KCTD5: variants seen among roughly 807,000 people sequenced by gnomAD.
KCTD5 encodes BTB/POZ domain-containing protein KCTD5.
A neutral mutation model predicts 27.9 loss-of-function variants in KCTD5; 12 were observed. That is an observed-to-expected ratio of 0.43 (90% CI 0.28 to 0.70). The LOEUF (loss-of-function observed/expected upper bound fraction) is 0.70. KCTD5 is among the 30% of genes least tolerant of loss of function. The probability of loss-of-function intolerance (pLI) is 0.19; values close to 1 mark genes in which losing one functional copy is unlikely to be tolerated. For synonymous variants in KCTD5, 147 were observed against 121.4 expected (o/e 1.21, Z -1.39); for missense variants, 226 against 274.8 (o/e 0.82, Z 1.26).
Position 2,691,911 on chromosome 16 carries a change from C to T in KCTD5, c.253-4024C>T, listed in dbSNP as rs145979392. 2.3e-3 allele frequency among the ~76,000 whole-genome samples: 351 copies of T among 152,316 alleles called. 1 individual carries two copies. Among genetic ancestry groups the T allele is most frequent in the African/African-American group, 8.2e-3 (339 of 41,560 alleles). On this transcript the variant is annotated intron_variant, in intron 1 of 5. Transcript: ENST00000301738. The stretch of plus-strand genomic sequence containing the variant: ...TGCACCCAGGCTGCTGGCCCCTGAG[C>T]ACAGGGATGGGCTGGAGCCACAGGC...
chr16:2,696,863 A>C (rs536140820), intron 2 of KCTD5, among the ~76,000 whole-genome samples: 6 of 152,292 alleles, frequency 3.9e-5, no homozygotes, highest in African/African-American at 1.2e-4. Context: ...TCTCTTTGGC[A>C]GGGAATGTCT....
chr16:2,705,421 G>A (rs2067631271), intron 5 of KCTD5, among the ~76,000 whole-genome samples: 1 of 152,184 alleles, frequency 6.6e-6, no homozygotes, highest in Non-Finnish European at 1.5e-5. Context: ...TGCCAGGCCA[G>A]GCTGTGGACA....
intron 3 of KCTD5, 80 bp downstream of exon 3, chr16:2,698,077 C>A: frequency 9.6e-7 from 1 of 1,037,264 alleles, no homozygotes; most frequent in Non-Finnish European, 1.5e-6. Flanking sequence ...GACCGGCTGC[C>A]TCCCAAATAA....
intron 1 of KCTD5, among the ~76,000 whole-genome samples, chr16:2,686,829 A>G (rs1056671026): frequency 6.6e-6 from 1 of 151,114 alleles, no homozygotes; most frequent in Non-Finnish European, 1.5e-5. Context: ...GGTGTGGGCT[A>G]GAGTACCGTC....
chr16:2,690,073 G>A (rs1392421465), intron 1 of KCTD5, among the ~76,000 whole-genome samples: 1 of 152,274 alleles, frequency 6.6e-6, no homozygotes. Context: ...CTGGGTGACA[G>A]CATGGATGGC....
chr16:2,692,479 G>C (rs1016114171), intron 1 of KCTD5, among the ~76,000 whole-genome samples: 5 of 152,206 alleles, frequency 3.3e-5, no homozygotes, highest in African/African-American at 9.7e-5. Flanking sequence ...TCTCAGCAGA[G>C]AGGGTAGCTT....
intron 1 of KCTD5, among the ~76,000 whole-genome samples, chr16:2,693,421 G>A (rs1317948705): frequency 6.6e-6 from 1 of 152,228 alleles, no homozygotes; most frequent in Non-Finnish European, 1.5e-5. Flanking sequence ...CCTAAAGGGG[G>A]TGTTTAATGG....
chr16:2,690,013 G>C (rs1168403051), intron 1 of KCTD5, among the ~76,000 whole-genome samples: 1 of 152,230 alleles, frequency 6.6e-6, no homozygotes, highest in Non-Finnish European at 1.5e-5. Context: ...TTGCATTAGG[G>C]ACCTGTCCCT....
At chr16:2,693,179 G>A (rs925564465) in intron 1 of KCTD5, among the ~76,000 whole-genome samples, 8 of 152,296 alleles carry the variant, frequency 5.3e-5, no homozygotes, top group Non-Finnish European at 7.4e-5. Flanking sequence ...GCTCTGCATC[G>A]GGGCCCCTCT....
At chr16:2,688,243 A>ATATATATATATATATATATT (rs1282831421) in intron 1 of KCTD5, among the ~76,000 whole-genome samples, 18 of 64,240 alleles carry the variant, frequency 2.8e-4, no homozygotes, top group African/African-American at 9.0e-4. Flanking sequence ...ATATATATAT[A>ATATATATATATATATATATT]TATTTATTTA....
At position 2,682,776 on chromosome 16, in the gene KCTD5, C is replaced by T. The variant is rs889622120; in HGVS notation, c.228C>T (p.Ala76=). Residue 76 remains alanine, a synonymous_variant, in exon 1 of 6, where the codon GCC becomes GCT. Coordinates refer to ENST00000301738, the MANE Select transcript of KCTD5 (RefSeq NM_018992.4). ...CCTTCCTGTACCGCTTATGCCAGGC[C>T]GATCCCGACCTGGACTCAGACAAGG... ...PKSFLYRLCQ[A]DPDLDSDKDE... 4 of 1,601,256 alleles carry T rather than the reference C, an allele frequency of 2.5e-6. No individual in the cohort carries two copies. The highest frequency in any genetic ancestry group is 2.3e-5 in the East Asian group (1 of 43,116).
At chr16:2,687,055 C>G (rs74966633) in intron 1 of KCTD5, among the ~76,000 whole-genome samples, 2 of 152,160 alleles carry the variant, frequency 1.3e-5, no homozygotes, top group African/African-American at 4.8e-5. Context: ...TATTCTGGAC[C>G]TCTGCGATGG....
intron 1 of KCTD5, among the ~76,000 whole-genome samples, chr16:2,690,819 G>C (rs1201359832): frequency 3.3e-5 from 5 of 152,266 alleles, no homozygotes; most frequent in Non-Finnish European, 4.4e-5. Context: ...TCCCCGAGGT[G>C]ACCTTGCTGC....
intron 1 of KCTD5, 86 bp downstream of exon 1, chr16:2,682,886 T>A (rs970387054): frequency 7.6e-6 from 11 of 1,441,574 alleles, no homozygotes; most frequent in Admixed American, 2.9e-5. Context: ...CGGAGGAGAC[T>A]TCAGCGGGAG....
At position 2,682,644 on chromosome 16, in the gene KCTD5, C is replaced by G. The variant is rs769224642; in HGVS notation, c.96C>G (p.Leu32=). 1 of 1,589,280 alleles carries G rather than the reference C, an allele frequency of 6.3e-7. No homozygotes were observed. The highest frequency in any genetic ancestry group is 1.1e-5 in the South Asian group (1 of 88,250). Residue 32 remains leucine, a synonymous_variant, in exon 1 of 6, where the codon CTC becomes CTG. Transcript: ENST00000301738. ...TGTGCCGCCGCTGCAGCGCTGGGCT[C>G]GGCGCCCTGGCCCAGCGCCCTGGCA... ...GGLCRRCSAG[L]GALAQRPGSV...
chr16:2,704,092 G>T (rs2067624154), intron 5 of KCTD5, among the ~76,000 whole-genome samples: 1 of 152,240 alleles, frequency 6.6e-6, no homozygotes, highest in African/African-American at 2.4e-5. Context: ...GAAGCTCCAG[G>T]CATGACCCCA....
intron 1 of KCTD5, among the ~76,000 whole-genome samples, chr16:2,690,392 G>C (rs1436111919): frequency 1.3e-5 from 2 of 152,244 alleles, no homozygotes; most frequent in African/African-American, 4.8e-5. Flanking sequence ...GAGATGGGTG[G>C]CTCAGCCCAG....
intron 1 of KCTD5, among the ~76,000 whole-genome samples, chr16:2,691,140 G>T (rs1252591849): frequency 6.6e-6 from 1 of 152,230 alleles, no homozygotes; most frequent in Admixed American, 6.5e-5. Flanking sequence ...CCGAACCCTG[G>T]TGGGATTTGG....
At chr16:2,701,054 A>G (rs1041663115) in intron 4 of KCTD5, among the ~76,000 whole-genome samples, 1 of 152,184 alleles carries the variant, frequency 6.6e-6, no homozygotes, top group Non-Finnish European at 1.5e-5. Flanking sequence ...CCGTGTCAGC[A>G]GCTCGGGGTC....
Sources: allele counts gnomAD v4.1 joint callset (sites outside exome capture counted in the v4.1 genomes callset), GRCh38; gene constraint gnomAD v4.1.1; transcripts MANE v1.5; gene names NCBI Gene and HGNC (gene_info 2026-07-23, HGNC 2026-07-21).